The following RNF220 variants were observed in gnomAD, a reference collection of about 807,000 sequenced individuals.
RNF220 encodes the protein ring finger protein 220.
RNF220 carries 7 observed loss-of-function variants against 67.1 expected under a neutral mutation model. The ratio of observed to expected loss-of-function variants is 0.10; its 90% CI spans 0.06 to 0.20. The LOEUF (loss-of-function observed/expected upper bound fraction) is 0.20. RNF220 is among the 10% of genes least tolerant of loss of function. The pLI, the probability that RNF220 is intolerant of heterozygous loss-of-function variation, is 1.00. For missense variants in RNF220, 565 were observed against 740.3 expected (o/e 0.76, Z 2.75); for synonymous variants, 270 against 283.2 (o/e 0.95, Z 0.47).
chr1:44,590,877 G>A (rs1666068512), intron 2 of RNF220, among the ~76,000 whole-genome samples: 1 of 152,186 alleles, frequency 6.6e-6, no homozygotes, highest in Non-Finnish European at 1.5e-5. Context: ...CTGCCTCCTA[G>A]AAGAGTTAAC....
intron 2 of RNF220, among the ~76,000 whole-genome samples, chr1:44,486,365 G>A (rs945632763): frequency 2.6e-5 from 4 of 152,342 alleles, no homozygotes; most frequent in African/African-American, 9.6e-5. Context: ...GCAATAGACA[G>A]AGGCTCATTC....
chr1:44,507,116 G>A (rs1658501909), intron 2 of RNF220, among the ~76,000 whole-genome samples: 1 of 152,074 alleles, frequency 6.6e-6, no homozygotes, highest in Non-Finnish European at 1.5e-5. Flanking sequence ...TCCTCCATGG[G>A]GCAGGCATCA....
chr1:44,546,678 C>T (rs961904149), intron 2 of RNF220, among the ~76,000 whole-genome samples: 5 of 152,144 alleles, frequency 3.3e-5, no homozygotes, highest in African/African-American at 7.2e-5. Flanking sequence ...ATTGATGCAC[C>T]GAGCTCTGGC....
At chr1:44,579,867 A>C (rs1256930559) in intron 2 of RNF220, among the ~76,000 whole-genome samples, 3 of 151,674 alleles carry the variant, frequency 2.0e-5, no homozygotes, top group Non-Finnish European at 4.4e-5. Context: ...CATCTCTATA[A>C]AAAATACCAA....
At chr1:44,632,174 G>C in intron 5 of RNF220, 169 bp from the exon 6 acceptor site, 1 of 1,566,342 alleles carries the variant, frequency 6.4e-7, no homozygotes, top group Non-Finnish European at 8.7e-7. Flanking sequence ...GCCCGGAGCG[G>C]CCGGAGGAGC....
chr1:44,460,633 C>T (rs548270397), intron 2 of RNF220, among the ~76,000 whole-genome samples: 74 of 152,258 alleles, frequency 4.9e-4, no homozygotes, highest in South Asian at 4.6e-3. Flanking sequence ...GAGAGGAGGT[C>T]AGCTGCACTA....
At chr1:44,632,529 A>G in intron 6 of RNF220, 144 bp downstream of exon 6, 1 of 776,306 alleles carries the variant, frequency 1.3e-6, no homozygotes, top group South Asian at 1.6e-5. Context: ...GAGTATGTGC[A>G]AACCAAAGCT....
intron 2 of RNF220, among the ~76,000 whole-genome samples, chr1:44,605,127 C>T (rs1013165281): frequency 5.9e-5 from 9 of 151,896 alleles, no homozygotes; most frequent in African/African-American, 2.2e-4. Flanking sequence ...GGTGAAACCT[C>T]GTCTCTACTA....
intron 2 of RNF220, among the ~76,000 whole-genome samples, chr1:44,522,478 G>C (rs1395247864): frequency 1.3e-5 from 2 of 152,118 alleles, no homozygotes; most frequent in African/African-American, 4.8e-5. Context: ...TCTTGAAGGG[G>C]GTAAAAGTCG....
intron 2 of RNF220, among the ~76,000 whole-genome samples, chr1:44,552,017 C>G (rs1662675325): frequency 6.6e-6 from 1 of 152,224 alleles, no homozygotes; most frequent in Admixed American, 6.5e-5. Flanking sequence ...GAAGCCATTG[C>G]CCCTCTAGTG....
chr1:44,416,010 G>A (rs1324876212), intron 2 of RNF220, among the ~76,000 whole-genome samples: 1 of 145,988 alleles, frequency 6.8e-6, no homozygotes, highest in Non-Finnish European at 1.5e-5. Context: ...AGCGATTTGG[G>A]TCAAGCATCA....
intron 8 of RNF220, among the ~76,000 whole-genome samples, chr1:44,639,770 C>T (rs1421036427): frequency 1.3e-5 from 2 of 152,122 alleles, no homozygotes; most frequent in African/African-American, 2.4e-5. Context: ...CTCTTCTTTT[C>T]TTTTCTTTTC....
At position 44,649,905 on chromosome 1, in the gene RNF220, C is replaced by T. The variant is rs769357048; in HGVS notation, c.1577C>T (p.Thr526Met). 22 of 1,613,978 alleles carry T rather than the reference C, an allele frequency of 1.4e-5. No individual in the cohort carries two copies. The highest frequency in any genetic ancestry group is 1.9e-5 in the Non-Finnish European group (22 of 1,179,990). The change falls in exon 14 of 15, where the codon ACG (threonine) becomes ATG (methionine). Residue 526 changes from threonine to methionine, a missense_variant. Physicochemically the swap from Thr to Met is moderately conservative, Grantham distance 81. Transcript: ENST00000361799. This position sits in a 1 kb window ranked among gnomAD's most constrained non-coding sequence, Gnocchi z 5.9. ...TAGGACTCGTACTCGATGCCCCTAA[C>T]GTCCATCCAGTGTTGGCACGTGCAC... Reference protein sequence around the residue: ...ICMDSYSMPLTSIQCWHVHCE... With the variant: ...ICMDSYSMPLMSIQCWHVHCE...
chr1:44,486,659 T>C (rs1433686292), intron 2 of RNF220, among the ~76,000 whole-genome samples: 3 of 152,178 alleles, frequency 2.0e-5, no homozygotes, highest in African/African-American at 7.2e-5. Context: ...GAAGAGCTGT[T>C]CCATGACACG....
At chr1:44,534,305 C>A (rs1339560569) in intron 2 of RNF220, among the ~76,000 whole-genome samples, 1 of 150,982 alleles carries the variant, frequency 6.6e-6, no homozygotes, top group Non-Finnish European at 1.5e-5. Context: ...TTTTACATTT[C>A]TATTATTATT....
rs148080062 is a variant in RNF220, at chr1:44,634,531, G to C, written c.950-1014G>C. 3.2e-3 allele frequency among the ~76,000 whole-genome samples: 483 copies of C among 152,256 alleles called. 4 individuals carry two copies. Among genetic ancestry groups the C allele is most frequent in the African/African-American group, 0.011 (468 of 41,536 alleles). On this transcript the variant is annotated intron_variant, in intron 6 of 14. Coordinates refer to ENST00000361799, the MANE Select transcript of RNF220 (RefSeq NM_018150.4). ...CACTGTCCATGAGAAAGTTCTTCCT[G>C]GCCCTGCTTTGGGGAACCTTTCCCT...
intron 2 of RNF220, among the ~76,000 whole-genome samples, chr1:44,575,323 C>A (rs1187568519): frequency 1.3e-5 from 2 of 152,172 alleles, no homozygotes; most frequent in East Asian, 3.8e-4. Context: ...ATCTTCACTT[C>A]CATCCATGTT....
intron 2 of RNF220, among the ~76,000 whole-genome samples, chr1:44,555,512 T>A (rs984739092): frequency 1.3e-5 from 2 of 152,146 alleles, no homozygotes; most frequent in Non-Finnish European, 2.9e-5. Context: ...TCTCGCTCTG[T>A]CACCCAGGCT....
At chr1:44,623,788 G>A (rs911641089) in intron 4 of RNF220, among the ~76,000 whole-genome samples, 1 of 152,204 alleles carries the variant, frequency 6.6e-6, no homozygotes, top group African/African-American at 2.4e-5. Flanking sequence ...CACTCAGTGA[G>A]TTAAGAGGGG....
Sources: gnomAD v4.1 joint callset for allele counts (sites outside exome capture counted in the v4.1 genomes callset) on GRCh38, gnomAD v4.1.1 for gene constraint, Gnocchi (gnomAD v3.1) non-coding constraint, MANE v1.5 for transcripts, NCBI Gene and HGNC (gene_info 2026-07-23, HGNC 2026-07-21) for gene names.